Variants in ASTN2 observed in about 807,000 individuals in gnomAD.
ASTN2 encodes astrotactin-2.
A neutral mutation model predicts 139.8 loss-of-function variants in ASTN2; 54 were observed. That is an observed-to-expected ratio of 0.39 (90% CI 0.31 to 0.48). The LOEUF is 0.48. ASTN2 is among the 20% of genes least tolerant of loss of function. The pLI is 0.95. For synonymous variants in ASTN2, 756 were observed against 719.5 expected (o/e 1.05, Z -0.81); for missense variants, 1,565 against 1,725.1 (o/e 0.91, Z 1.64).
chr9:117,057,694 C>T (rs914186449), intron 5 of ASTN2, among the ~76,000 whole-genome samples: 20 of 152,120 alleles, frequency 1.3e-4, no homozygotes, highest in African/African-American at 2.7e-4. Context: ...TCTTCCATTT[C>T]GATCATCGAC....
intron 10 of ASTN2, among the ~76,000 whole-genome samples, chr9:116,886,837 C>G (rs1343235050): frequency 6.6e-6 from 1 of 152,056 alleles, no homozygotes; most frequent in African/African-American, 2.4e-5. Context: ...GCAGGGGAGA[C>G]AGATAACAAA....
chr9:117,065,885 C>A (rs1438048568), intron 5 of ASTN2, among the ~76,000 whole-genome samples: 3 of 152,122 alleles, frequency 2.0e-5, no homozygotes, highest in African/African-American at 4.8e-5. Flanking sequence ...TGCTCTGATT[C>A]TGTCACTTTC....
intron 10 of ASTN2, among the ~76,000 whole-genome samples, chr9:116,940,556 T>C (rs1835196475): frequency 6.6e-6 from 1 of 152,170 alleles, no homozygotes; most frequent in Non-Finnish European, 1.5e-5. Context: ...AAAAAAACTA[T>C]TTATAAAAGC....
chr9:117,412,016 CA>C (rs1831178614), intron 1 of ASTN2, among the ~76,000 whole-genome samples: 1 of 145,982 alleles, frequency 6.9e-6, no homozygotes. Context: ...CTCCCCCCCC[CA>C]ACCCCCAGCG....
At chr9:117,403,235 TG>T (rs1830888008) in intron 1 of ASTN2, among the ~76,000 whole-genome samples, 1 of 152,170 alleles carries the variant, frequency 6.6e-6, no homozygotes. Context: ...TTAAATAATC[TG>T]GGAACTCTTC....
intron 7 of ASTN2, among the ~76,000 whole-genome samples, chr9:117,007,337 G>A (rs145122304): frequency 6.6e-6 from 1 of 152,096 alleles, no homozygotes; most frequent in African/African-American, 2.4e-5. Flanking sequence ...CTGCAGCACT[G>A]TCCCATAGAA....
intron 14 of ASTN2, among the ~76,000 whole-genome samples, chr9:116,729,831 G>C (rs1828730877): frequency 6.6e-6 from 1 of 152,170 alleles, no homozygotes; most frequent in African/African-American, 2.4e-5. Flanking sequence ...TCAGCATCTT[G>C]ATTATATTAA....
chr9:117,106,596 T>C (rs1343414379), intron 4 of ASTN2, among the ~76,000 whole-genome samples: 1 of 152,200 alleles, frequency 6.6e-6, no homozygotes, highest in African/African-American at 2.4e-5. Context: ...ATTGTAGAAA[T>C]GTTTTCAAAA....
At chr9:116,455,549 C>A (rs536367389) in intron 20 of ASTN2, among the ~76,000 whole-genome samples, 48 of 151,822 alleles carry the variant, frequency 3.2e-4, no homozygotes, top group Non-Finnish European at 6.6e-4. Context: ...ATTCTCATGT[C>A]ACTTCCAAAA....
At chr9:116,710,733 CAAAAAAAAAAAAA>C in intron 16 of ASTN2, among the ~76,000 whole-genome samples, 2 of 72,582 alleles carry the variant, frequency 2.8e-5, no homozygotes, top group Non-Finnish European at 5.1e-5. Context: ...AACTCCGTCT[CAAAAAAAAAAAAA>C]AAAAAAAAAA....
chr9:116,628,154 T>G (rs1347191252), intron 17 of ASTN2, among the ~76,000 whole-genome samples: 1 of 152,200 alleles, frequency 6.6e-6, no homozygotes, highest in South Asian at 2.1e-4. Flanking sequence ...AATGGACCAA[T>G]GAAAATATCA....
chr9:117,016,622 AT>A (rs1564385836), intron 6 of ASTN2, among the ~76,000 whole-genome samples: 80 of 4,954 alleles, frequency 0.016, 6 homozygotes, highest in South Asian at 0.07. Context: ...ATATCTATCT[AT>A]CTATATATAT....
chr9:116,561,163 G>A (rs192358400), intron 19 of ASTN2, among the ~76,000 whole-genome samples: 3 of 152,116 alleles, frequency 2.0e-5, no homozygotes, highest in East Asian at 1.9e-4. Flanking sequence ...CCAAACACTC[G>A]CACCCAGATT....
rs578070738 is a variant in ASTN2, at chr9:117,092,406, G to A, written c.1276+3638C>T. Among the ~76,000 whole-genome samples, 723 of 152,164 alleles carry A rather than the reference G, an allele frequency of 4.8e-3. 3 individuals are homozygous for A. The highest frequency in any genetic ancestry group is 0.017 in the African/African-American group (697 of 41,516). ...AAAAGTGAGACTCAGAGACCAGCAG[G>A]GACTTGGCCAAGGTCACACAGAAAC... is the stretch of plus-strand genomic sequence containing the variant. On this transcript the variant is annotated intron_variant, in intron 5 of 22. Transcript: ENST00000313400.
chr9:117,153,502 A>C (rs114914087), intron 3 of ASTN2, among the ~76,000 whole-genome samples: 2 of 152,266 alleles, frequency 1.3e-5, no homozygotes, highest in African/African-American at 4.8e-5. Flanking sequence ...TTCAAGATAC[A>C]TATCATTATC....
intron 17 of ASTN2, among the ~76,000 whole-genome samples, chr9:116,630,455 C>T (rs1856691562): frequency 6.6e-6 from 1 of 152,202 alleles, no homozygotes; most frequent in South Asian, 2.1e-4. Flanking sequence ...AAACACAGGT[C>T]TCAACCTAAA....
intron 1 of ASTN2, among the ~76,000 whole-genome samples, chr9:117,355,500 C>A (rs747777378): frequency 6.6e-6 from 1 of 152,110 alleles, no homozygotes; most frequent in Non-Finnish European, 1.5e-5. Flanking sequence ...CATGGCTCGC[C>A]ACATGTAATG....
rs76347921 is a variant in ASTN2, at chr9:116,437,845, C to T, written c.3782+2764G>A. Among the ~76,000 whole-genome samples the T allele has an allele frequency of 5.6e-4, 85 of 152,328 alleles. No homozygotes were observed. The East Asian group carries it at 0.016, about 29-fold the overall frequency. On this transcript the variant is annotated intron_variant, in intron 22 of 22. Transcript: ENST00000313400. ...AGTTAAAGTCCAGGACCCAACATAA[C>T]TGATAAGGCCTTGCGCTGGACAGAG... is the stretch of plus-strand genomic sequence containing the variant.
intron 19 of ASTN2, among the ~76,000 whole-genome samples, chr9:116,615,958 T>C (rs1855831511): frequency 6.6e-6 from 1 of 152,154 alleles, no homozygotes; most frequent in South Asian, 2.1e-4. Flanking sequence ...ATTAGCATCA[T>C]ACTTAATGGT....
Sources: gnomAD v4.1 joint callset for allele counts (sites outside exome capture counted in the v4.1 genomes callset) on GRCh38, gnomAD v4.1.1 for gene constraint, MANE v1.5 for transcripts, NCBI Gene and HGNC (gene_info 2026-07-23, HGNC 2026-07-21) for gene names.